The following RAP1GDS1 variants were observed in gnomAD, a reference collection of about 807,000 sequenced individuals.
RAP1GDS1 encodes Rap1 GTPase-GDP dissociation stimulator 1.
A neutral mutation model predicts 71.1 loss-of-function variants in RAP1GDS1; 35 were observed. That is an observed-to-expected ratio of 0.49 (90% CI 0.38 to 0.65). The LOEUF (loss-of-function observed/expected upper bound fraction) is 0.65, where lower values mean the gene tolerates loss of function less well. Among genes scored for constraint, RAP1GDS1 ranks in the 30% least tolerant of loss-of-function variants. The pLI, the probability that RAP1GDS1 is intolerant of heterozygous loss-of-function variation, is 0.00. For synonymous variants in RAP1GDS1, 229 were observed against 243.1 expected (o/e 0.94, Z 0.54); for missense variants, 663 against 706.1 (o/e 0.94, Z 0.69).
chr4:98,331,751 GA>G (rs892348276), intron 2 of RAP1GDS1, among the ~76,000 whole-genome samples: 2 of 152,134 alleles, frequency 1.3e-5, no homozygotes, highest in Non-Finnish European at 2.9e-5. Flanking sequence ...GCCCAGTGGG[GA>G]AATCCCAAAG....
intron 7 of RAP1GDS1, among the ~76,000 whole-genome samples, chr4:98,415,970 G>A (rs1290342743): frequency 1.3e-5 from 2 of 152,124 alleles, no homozygotes; most frequent in Non-Finnish European, 2.9e-5. Context: ...AGACTGGAGT[G>A]CAGTGGCACA....
chr4:98,430,667 AGGT>A (rs1371679513), intron 12 of RAP1GDS1, among the ~76,000 whole-genome samples: 1 of 152,208 alleles, frequency 6.6e-6, no homozygotes, highest in East Asian at 1.9e-4. Context: ...TCCTTTCTGC[AGGT>A]GGCATCTGTT....
In RAP1GDS1 at chr4:98,443,416, A is replaced by T. The variant is rs1404327797; in HGVS notation, c.*1299A>T. 8.7e-6 allele frequency: 2 copies of T among 230,714 alleles called. No homozygotes were observed. Among genetic ancestry groups the T allele is most frequent in the African/African-American group, 4.4e-5 (2 of 45,258 alleles). The allele number at this position is 230,714 out of a possible 1,614,324, so 14.3% of individuals were successfully genotyped here. A position where few individuals can be genotyped will look rare whatever the true frequency, so the allele number is the denominator to read the frequency against. On this transcript the variant is annotated 3_prime_UTR_variant, in exon 15 of 15. Coordinates refer to ENST00000408927, the MANE Select transcript of RAP1GDS1 (RefSeq NM_001100427.2). ...ACACAATCTTTGTAAATTAATCAAA[A>T]CCTCCCTGTGACCCACCTGCCTTCT...
chr4:98,270,177 A>G (rs1421085896), intron 1 of RAP1GDS1, among the ~76,000 whole-genome samples: 2 of 152,186 alleles, frequency 1.3e-5, no homozygotes, highest in East Asian at 1.9e-4. Context: ...CCATTAATCT[A>G]TTTATGAGGG....
At chr4:98,385,187 A>G (rs1742554958) in intron 5 of RAP1GDS1, among the ~76,000 whole-genome samples, 1 of 151,826 alleles carries the variant, frequency 6.6e-6, no homozygotes, top group African/African-American at 2.4e-5. Context: ...ATATGCATTT[A>G]CATTTCAACT....
chr4:98,337,190 C>T (rs567801944), intron 2 of RAP1GDS1, among the ~76,000 whole-genome samples: 11 of 152,230 alleles, frequency 7.2e-5, no homozygotes, highest in Middle Eastern at 3.4e-3. Flanking sequence ...CCACTGCACC[C>T]GTCCTTCAGT....
intron 12 of RAP1GDS1, among the ~76,000 whole-genome samples, chr4:98,424,228 G>T (rs879728433): frequency 6.6e-6 from 1 of 151,984 alleles, no homozygotes; most frequent in African/African-American, 2.4e-5. Context: ...TTGCCCACTC[G>T]CCCATGCTCT....
chr4:98,413,317 C>A (rs1351267997), intron 7 of RAP1GDS1, among the ~76,000 whole-genome samples: 1 of 151,852 alleles, frequency 6.6e-6, no homozygotes, highest in Admixed American at 6.6e-5. Flanking sequence ...TGCGCTGCAC[C>A]CACTAACTCG....
chr4:98,356,069 A>G (rs1269786721), intron 4 of RAP1GDS1, among the ~76,000 whole-genome samples: 1 of 152,154 alleles, frequency 6.6e-6, no homozygotes, highest in Non-Finnish European at 1.5e-5. Context: ...CTGCCCTTTA[A>G]CTTTGCCAAA....
At chr4:98,310,074 T>C (rs1259110866) in intron 2 of RAP1GDS1, among the ~76,000 whole-genome samples, 1 of 152,108 alleles carries the variant, frequency 6.6e-6, no homozygotes, top group East Asian at 1.9e-4. Context: ...ATAACATAAA[T>C]GTTAAATACT....
chr4:98,349,253 G>A (rs1296062275), intron 3 of RAP1GDS1, among the ~76,000 whole-genome samples: 2 of 152,066 alleles, frequency 1.3e-5, no homozygotes, highest in East Asian at 1.9e-4. Flanking sequence ...TTTTTGTCAG[G>A]TTTGTCAAAG....
chr4:98,384,278 G>C (rs1014202165), intron 5 of RAP1GDS1, among the ~76,000 whole-genome samples: 25 of 151,742 alleles, frequency 1.6e-4, no homozygotes, highest in African/African-American at 6.0e-4. Context: ...TGAGTTAAAT[G>C]AAGTGTGTTG....
At position 98,415,643 on chromosome 4, in the gene RAP1GDS1, A is replaced by T. The variant is rs73834484; in HGVS notation, c.764-1102A>T. 3.8e-3 allele frequency among the ~76,000 whole-genome samples: 583 copies of T among 152,328 alleles called. 6 individuals carry two copies. Among genetic ancestry groups the T allele is most frequent in the African/African-American group, 0.013 (558 of 41,562 alleles). On this transcript the variant is annotated intron_variant, in intron 7 of 14. Coordinates refer to ENST00000408927, the MANE Select transcript of RAP1GDS1 (RefSeq NM_001100427.2). The stretch of plus-strand genomic sequence containing the variant: ...ATGAAAGAATACTTAAAGATATTAG[A>T]AGTATAATAAAAAGTGTTGATGTGG...
At chr4:98,263,140 A>T (rs752073855) in intron 1 of RAP1GDS1, among the ~76,000 whole-genome samples, 1 of 152,212 alleles carries the variant, frequency 6.6e-6, no homozygotes, top group Non-Finnish European at 1.5e-5. Flanking sequence ...CACAGATAAA[A>T]TACACTTTGA....
At chr4:98,296,532 AAATT>A (rs1578341385) in intron 2 of RAP1GDS1, among the ~76,000 whole-genome samples, 2 of 152,144 alleles carry the variant, frequency 1.3e-5, no homozygotes, top group Non-Finnish European at 2.9e-5. Flanking sequence ...TCTATGATCT[AAATT>A]AATATAAAGT....
intron 3 of RAP1GDS1, among the ~76,000 whole-genome samples, chr4:98,351,306 A>C (rs1442526441): frequency 6.6e-6 from 1 of 152,182 alleles, no homozygotes; most frequent in African/African-American, 2.4e-5. Flanking sequence ...GATAGGAATT[A>C]ATTCATTTAT....
intron 4 of RAP1GDS1, among the ~76,000 whole-genome samples, chr4:98,360,667 A>G (rs1294154039): frequency 6.6e-6 from 1 of 152,160 alleles, no homozygotes; most frequent in Non-Finnish European, 1.5e-5. Context: ...TTTGTAACCA[A>G]GTTGAAGTAC....
At position 98,436,947 on chromosome 4, in the gene RAP1GDS1, T is replaced by C; in HGVS notation, c.1575T>C (p.Ala525=). The part of the protein sequence containing the change: ...ALIAALELGT[A]EKDLESAKLV... ...ACTTTGTTTTATTTGTAGGCACTGC[T>C]GAGAAAGATCTAGAAAGTGCTAAAC... The change falls in exon 14 of 15, where the codon GCT becomes GCC. Residue 525 remains alanine (A), a synonymous_variant. Coordinates refer to ENST00000408927, the MANE Select transcript of RAP1GDS1 (RefSeq NM_001100427.2). The C allele has an allele frequency of 6.2e-7, 1 of 1,604,674 alleles. No individual in the cohort carries two copies. Among genetic ancestry groups the C allele is most frequent in the Non-Finnish European group, 8.5e-7 (1 of 1,177,260 alleles).
intron 3 of RAP1GDS1, among the ~76,000 whole-genome samples, chr4:98,345,625 G>A (rs1439182028): frequency 6.6e-6 from 1 of 152,154 alleles, no homozygotes; most frequent in Non-Finnish European, 1.5e-5. Context: ...AATAATAATA[G>A]TAATACTTCT....
Sources: allele counts gnomAD v4.1 joint callset (sites outside exome capture counted in the v4.1 genomes callset), GRCh38; gene constraint gnomAD v4.1.1; transcripts MANE v1.5; gene names NCBI Gene and HGNC (gene_info 2026-07-23, HGNC 2026-07-21).